DYRK1A: variants seen among roughly 807,000 people sequenced by gnomAD.
DYRK1A encodes dual specificity tyrosine-phosphorylation-regulated kinase 1A.
In DYRK1A, 9 loss-of-function variants were observed where a neutral mutation model predicts 79.7. The observed-to-expected ratio is 0.11, with a 90% CI of 0.07 to 0.20. The LOEUF (loss-of-function observed/expected upper bound fraction) is 0.20. DYRK1A is among the 10% of genes least tolerant of loss of function. The pLI is 1.00. For missense variants in DYRK1A, 622 were observed against 956.0 expected (o/e 0.65, Z 4.61); for synonymous variants, 349 against 329.7 (o/e 1.06, Z -0.63).
At chr21:37,376,363 G>C (rs1256946041) in intron 1 of DYRK1A, among the ~76,000 whole-genome samples, 1 of 152,156 alleles carries the variant, frequency 6.6e-6, no homozygotes, top group Non-Finnish European at 1.5e-5. Flanking sequence ...ACAGAAATTA[G>C]CCAGGTGCAG....
chr21:37,391,525 A>G (rs1440827885), intron 1 of DYRK1A, among the ~76,000 whole-genome samples: 1 of 152,186 alleles, frequency 6.6e-6, no homozygotes, highest in Non-Finnish European at 1.5e-5. Context: ...ATTATTCAAT[A>G]TGTTGTTTAC....
Position 37,513,139 on chromosome 21 carries a change from A to G in DYRK1A, c.*608A>G, listed in dbSNP as rs1803439. 50,940 of 153,272 alleles carry G rather than the reference A, an allele frequency of 0.33. 8,589 individuals carry two copies. Among genetic ancestry groups the G allele is most frequent in the South Asian group, 0.42 (2,032 of 4,852 alleles). 9.5% of individuals were successfully genotyped at this position (153,272 alleles called of 1,614,324 possible). ...GGTTGTGGTGAAGTTTGTCAGGCAC[A>G]GTAAGCATGCTGAGTGGCGGGGATC... is the stretch of plus-strand genomic sequence containing the variant. On this transcript the variant is annotated 3_prime_UTR_variant, in exon 12 of 12. Transcript: ENST00000647188.
chr21:37,376,721 T>A (rs1039984309), intron 1 of DYRK1A, among the ~76,000 whole-genome samples: 1 of 152,096 alleles, frequency 6.6e-6, no homozygotes, highest in Non-Finnish European at 1.5e-5. Context: ...TACTGTCTTA[T>A]TTGTTAGGGC....
chr21:37,417,529 CTTTTTTTTT>C (rs3216074), intron 1 of DYRK1A, among the ~76,000 whole-genome samples: 72 of 44,032 alleles, frequency 1.6e-3, no homozygotes, highest in African/African-American at 1.9e-3. Context: ...TTTTCTTTTT[CTTTTTTTTT>C]TTTTTTTTTT....
intron 1 of DYRK1A, among the ~76,000 whole-genome samples, chr21:37,414,949 A>G (rs757347604): frequency 2.0e-5 from 3 of 152,218 alleles, no homozygotes; most frequent in African/African-American, 4.8e-5. Flanking sequence ...GTAACAGAGT[A>G]CCTGTACTAC....
chr21:37,451,705 T>TAGGCTCCACCGTCTAGCGTGGGCGTGCA (rs2051458751), intron 2 of DYRK1A, among the ~76,000 whole-genome samples: 2 of 152,110 alleles, frequency 1.3e-5, no homozygotes, highest in Non-Finnish European at 2.9e-5. Context: ...GGGCGTGCAG[T>TAGGCTCCACCGTCTAGCGTGGGCGTGCA]GTATACTCAG....
chr21:37,426,232 G>T (rs1459234938), intron 2 of DYRK1A, among the ~76,000 whole-genome samples: 2 of 152,104 alleles, frequency 1.3e-5, no homozygotes, highest in Admixed American at 1.3e-4. Flanking sequence ...AAAGGGAAGA[G>T]AACTCTTATT....
At chr21:37,400,551 G>A (rs1469383873) in intron 1 of DYRK1A, among the ~76,000 whole-genome samples, 1 of 152,176 alleles carries the variant, frequency 6.6e-6, no homozygotes, top group Non-Finnish European at 1.5e-5. Flanking sequence ...CCAAATTTGA[G>A]ATCCAACCTG....
At chr21:37,417,666 G>A (rs961800864) in intron 1 of DYRK1A, among the ~76,000 whole-genome samples, 2 of 149,342 alleles carry the variant, frequency 1.3e-5, no homozygotes, top group Admixed American at 6.7e-5. Context: ...TGAGCATACC[G>A]TGTGTTTAAC....
intron 2 of DYRK1A, among the ~76,000 whole-genome samples, chr21:37,440,608 A>G (rs930261600): frequency 6.6e-6 from 1 of 151,920 alleles, no homozygotes; most frequent in African/African-American, 2.4e-5. Flanking sequence ...AATGCTTTAT[A>G]ATTTGCTGTT....
intron 1 of DYRK1A, among the ~76,000 whole-genome samples, chr21:37,395,415 G>T (rs1047437033): frequency 4.6e-5 from 7 of 152,054 alleles, no homozygotes; most frequent in African/African-American, 1.7e-4. Context: ...CTGTGCTCCC[G>T]CTCCTCACCT....
chr21:37,392,147 C>G (rs2049882336), intron 1 of DYRK1A, among the ~76,000 whole-genome samples: 2 of 152,132 alleles, frequency 1.3e-5, no homozygotes, highest in Admixed American at 6.5e-5. Flanking sequence ...GTTGTAGAGA[C>G]AGTTGGGGAA....
At chr21:37,371,842 C>G (rs530504272) in intron 1 of DYRK1A, among the ~76,000 whole-genome samples, 2 of 152,244 alleles carry the variant, frequency 1.3e-5, no homozygotes, top group East Asian at 3.9e-4. Context: ...CTTTCAGCAT[C>G]AACTCTATTT....
At chr21:37,466,245 C>T (rs2052021420) in intron 2 of DYRK1A, among the ~76,000 whole-genome samples, 1 of 152,202 alleles carries the variant, frequency 6.6e-6, no homozygotes, top group Admixed American at 6.5e-5. Context: ...TAGATATACA[C>T]ACATATGTGT....
At chr21:37,410,919 C>T (rs950733504) in intron 1 of DYRK1A, among the ~76,000 whole-genome samples, 1 of 151,852 alleles carries the variant, frequency 6.6e-6, no homozygotes, top group Non-Finnish European at 1.5e-5. Flanking sequence ...CATGGTGGCG[C>T]CCACTTGTAA....
At chr21:37,502,259 C>T (rs1403499177) in intron 9 of DYRK1A, 1 of 152,032 alleles carries the variant, frequency 6.6e-6, no homozygotes, top group Non-Finnish European at 1.5e-5. Flanking sequence ...GTGGTTAACC[C>T]ATTATTCAGA....
chr21:37,464,391 C>A, intron 2 of DYRK1A: 1 of 391,236 alleles, frequency 2.6e-6, no homozygotes, highest in Non-Finnish European at 4.9e-6. Context: ...TTGAATTTTT[C>A]CCAAGTTTAG....
Position 37,521,710 on chromosome 21 carries a change from A to G in DYRK1A, c.*9179A>G, listed in dbSNP as rs1264878056. On this transcript the variant is annotated 3_prime_UTR_variant, in exon 12 of 12. Coordinates refer to ENST00000647188, the MANE Select transcript of DYRK1A (RefSeq NM_001347721.2). ...TGTTATCCTGGTGGGAATGCCCTAGAATCTAGGAGAAGACAACAGGCCATT... is the reference window on the plus strand; with the variant it reads ...TGTTATCCTGGTGGGAATGCCCTAGGATCTAGGAGAAGACAACAGGCCATT... 6.6e-6 allele frequency: 1 copy of G among 152,222 alleles called. No homozygotes were observed. The highest frequency in any genetic ancestry group is 1.5e-5 in the Non-Finnish European group (1 of 68,052). The allele number at this position is 152,222 out of a possible 1,614,324, so 9.4% of individuals were successfully genotyped here. A position where few individuals can be genotyped will look rare whatever the true frequency, so the allele number is the denominator to read the frequency against.
intron 2 of DYRK1A, among the ~76,000 whole-genome samples, chr21:37,438,058 A>G (rs2148469499): frequency 6.6e-6 from 1 of 152,230 alleles, no homozygotes; most frequent in South Asian, 2.1e-4. Flanking sequence ...GGGTAGTGAT[A>G]TCTCATTGTG....
Sources: allele counts gnomAD v4.1 joint callset (sites outside exome capture counted in the v4.1 genomes callset), GRCh38; gene constraint gnomAD v4.1.1; transcripts MANE v1.5; gene names NCBI Gene and HGNC (gene_info 2026-07-23, HGNC 2026-07-21).